Variants in ZBBX observed in about 807,000 individuals in gnomAD.
ZBBX encodes zinc finger B-box domain-containing protein 1.
Under a neutral mutation model 108.5 loss-of-function variants are expected in ZBBX, and 101 were observed. That is an observed-to-expected ratio of 0.93 (90% CI 0.79 to 1.10). The LOEUF (loss-of-function observed/expected upper bound fraction) is 1.10, where lower values mean the gene tolerates loss of function less well. Ranked by LOEUF, ZBBX falls within the 50% of genes least tolerant of loss-of-function variation. The pLI is 0.00. For missense variants in ZBBX, 1,009 were observed against 941.4 expected (o/e 1.07, Z -0.94); for synonymous variants, 356 against 323.4 (o/e 1.10, Z -1.08).
chr3:167,253,815 C>T lies in ZBBX; in HGVS notation c.2255-11172G>A, dbSNP rs150505460. Among the ~76,000 whole-genome samples the T allele has an allele frequency of 2.4e-4, 37 of 151,868 alleles. No homozygotes were observed. In the East Asian group the frequency reaches 5.2e-3, roughly 21 times the overall value. ...ACAAACTAGTATCTTTAGCATGTAA[C>T]GGGTGAAAAAAATAAAAAACATAAA... On this transcript the variant is annotated intron_variant, in intron 20 of 21. Coordinates refer to ENST00000675490, the MANE Select transcript of ZBBX (RefSeq NM_001199201.2).
At chr3:167,384,993 T>C (rs1747864529), upstream of ZBBX, among the ~76,000 whole-genome samples, 1 of 152,104 alleles carries the variant, frequency 6.6e-6, no homozygotes, top group Admixed American at 6.5e-5. Context: ...ACAATTCACA[T>C]GATGGAGTCT....
intron 9 of ZBBX, among the ~76,000 whole-genome samples, chr3:167,339,266 A>C (rs899857492): frequency 2.0e-5 from 3 of 152,174 alleles, no homozygotes; most frequent in African/African-American, 7.2e-5. Flanking sequence ...CCCTTAGCTT[A>C]AGTTCTGACT....
intron 16 of ZBBX, among the ~76,000 whole-genome samples, 195 bp downstream of exon 16, chr3:167,313,779 C>T (rs1734986385): frequency 6.6e-6 from 1 of 152,242 alleles, no homozygotes; most frequent in South Asian, 2.1e-4. Context: ...GCTGATTTTT[C>T]TTACACATAC....
chr3:167,297,682 A>C (rs1040809883), intron 18 of ZBBX, among the ~76,000 whole-genome samples: 1 of 152,062 alleles, frequency 6.6e-6, no homozygotes, highest in East Asian at 1.9e-4. Context: ...CTATAACTCA[A>C]CAATGAAAAA....
Position 167,240,748 on chromosome 3 carries a change from C to A in ZBBX, c.*45G>T. 1 of 1,593,180 alleles carries A rather than the reference C, an allele frequency of 6.3e-7. No individual in the cohort carries two copies. The highest frequency in any genetic ancestry group is 8.6e-7 in the Non-Finnish European group (1 of 1,169,486). On this transcript the variant is annotated 3_prime_UTR_variant, in exon 22 of 22. Transcript: ENST00000675490. ...CTTGGTTACTTTTCTCAGTTGTTTG[C>A]TTTACTCTGGGTACAAAATGGAAAC...
intron 20 of ZBBX, among the ~76,000 whole-genome samples, chr3:167,276,745 G>A (rs1173292138): frequency 6.6e-6 from 1 of 152,136 alleles, no homozygotes; most frequent in Admixed American, 6.5e-5. Flanking sequence ...TATAGAGAAC[G>A]CCACAAAGAT....
At chr3:167,215,208 T>A in the ZBBX span, among the ~76,000 whole-genome samples, 19 of 152,002 alleles carry the variant, frequency 1.2e-4, no homozygotes, top group African/African-American at 4.6e-4. Context: ...TGCTTTTTTT[T>A]AAAGATGTAA....
At chr3:167,381,913 G>T (rs1350522224), upstream of ZBBX, among the ~76,000 whole-genome samples, 2 of 152,200 alleles carry the variant, frequency 1.3e-5, no homozygotes, top group Non-Finnish European at 2.9e-5. Flanking sequence ...TTTTAGGGTA[G>T]ATGGCCAGGG....
chr3:167,308,682 T>C lies in ZBBX; in HGVS notation c.1418-2732A>G, dbSNP rs183609659. Among the ~76,000 whole-genome samples the C allele has an allele frequency of 4.7e-3, 720 of 152,228 alleles. 3 individuals carry two copies. Among genetic ancestry groups the C allele is most frequent in the African/African-American group, 0.017 (701 of 41,538 alleles). ...GGATGGAGCTGGAGGCCATTATCCT[T>C]AGCAAACTAACAAAAGAACAGAAAA... is the stretch of plus-strand genomic sequence containing the variant. On this transcript the variant is annotated intron_variant, in intron 16 of 21. Transcript: ENST00000675490.
intron 17 of ZBBX, among the ~76,000 whole-genome samples, chr3:167,301,764 T>C (rs1732716805): frequency 6.6e-6 from 1 of 152,054 alleles, no homozygotes; most frequent in Non-Finnish European, 1.5e-5. Context: ...GAGACCATCC[T>C]GGCTAACACG....
intron 20 of ZBBX, among the ~76,000 whole-genome samples, chr3:167,268,653 G>A (rs184785998): frequency 3.3e-5 from 5 of 152,156 alleles, no homozygotes; most frequent in Admixed American, 2.6e-4. Flanking sequence ...GACCCCCTTG[G>A]ACAAGGAATG....
At chr3:167,216,565 G>A in the ZBBX span, among the ~76,000 whole-genome samples, 18 of 151,934 alleles carry the variant, frequency 1.2e-4, no homozygotes, top group South Asian at 2.1e-4. Flanking sequence ...TTTTACAGAT[G>A]CAATGCTATT....
intron 20 of ZBBX, among the ~76,000 whole-genome samples, chr3:167,273,091 C>T (rs59212246): frequency 0.05 from 7,654 of 152,252 alleles, 528 homozygotes; most frequent in African/African-American, 0.15. Context: ...CCTTCATTCT[C>T]TTCACCCCCT....
the ZBBX span, among the ~76,000 whole-genome samples, chr3:167,190,270 C>T: frequency 1.3e-5 from 2 of 151,218 alleles, no homozygotes; most frequent in African/African-American, 4.9e-5. Context: ...AAAACTTTGA[C>T]AAAGTGAAAC....
At chr3:167,265,866 C>A (rs1045405340) in intron 20 of ZBBX, among the ~76,000 whole-genome samples, 2 of 152,202 alleles carry the variant, frequency 1.3e-5, no homozygotes, top group Non-Finnish European at 2.9e-5. Context: ...CTGCTGTGAC[C>A]AGGTAGCACT....
chr3:167,328,257 G>T, intron 10 of ZBBX, 141 bp from the exon 11 acceptor site: 1 of 849,412 alleles, frequency 1.2e-6, no homozygotes, highest in Non-Finnish European at 1.7e-6. Flanking sequence ...TTTAAACTTA[G>T]AATATTTTTA....
intron 9 of ZBBX, among the ~76,000 whole-genome samples, chr3:167,343,911 T>C (rs1449979200): frequency 6.6e-6 from 1 of 151,910 alleles, no homozygotes; most frequent in Non-Finnish European, 1.5e-5. Flanking sequence ...ACAAAAAACT[T>C]GTACACAAAT....
At chr3:167,221,188 T>C in the ZBBX span, among the ~76,000 whole-genome samples, 1 of 151,830 alleles carries the variant, frequency 6.6e-6, no homozygotes, top group African/African-American at 2.4e-5. Context: ...CAAGACATTT[T>C]TCACAGAAAT....
intron 1 of ZBBX, among the ~76,000 whole-genome samples, chr3:167,399,094 G>A (rs1172154630): frequency 6.6e-6 from 1 of 151,386 alleles, no homozygotes; most frequent in Admixed American, 6.6e-5. Flanking sequence ...TGCAGACACT[G>A]GACCTTAAAC....
Sources: gnomAD v4.1 joint callset for allele counts (sites outside exome capture counted in the v4.1 genomes callset) on GRCh38, gnomAD v4.1.1 for gene constraint, MANE v1.5 for transcripts, NCBI Gene and HGNC (gene_info 2026-07-23, HGNC 2026-07-21) for gene names.